Variants in DENND1A observed in about 807,000 individuals in gnomAD.
The protein encoded by DENND1A is DENN domain containing 1A.
DENND1A carries 51 observed loss-of-function variants against 113.7 expected under a neutral mutation model. That is an observed-to-expected ratio of 0.45 (90% confidence interval 0.36 to 0.57). The LOEUF is 0.57. DENND1A is among the 20% of genes least tolerant of loss of function. DENND1A has a pLI of 0.00. For synonymous variants in DENND1A, 565 were observed against 570.8 expected (o/e 0.99, Z 0.14); for missense variants, 1,258 against 1,395.9 (o/e 0.90, Z 1.57).
chr9:123,656,402 G>T (rs1379248132), intron 8 of DENND1A, among the ~76,000 whole-genome samples: 1 of 152,174 alleles, frequency 6.6e-6, no homozygotes, highest in Admixed American at 6.5e-5. Context: ...CTAACAGGCT[G>T]CTGCCATATT....
intron 18 of DENND1A, among the ~76,000 whole-genome samples, chr9:123,449,212 G>A (rs774881022): frequency 6.6e-6 from 1 of 152,166 alleles, no homozygotes; most frequent in African/African-American, 2.4e-5. Flanking sequence ...AAAGCTCCTA[G>A]TCTGGCCCAC....
chr9:123,637,346 G>A (rs916029951), intron 9 of DENND1A, among the ~76,000 whole-genome samples: 1 of 152,206 alleles, frequency 6.6e-6, no homozygotes, highest in African/African-American at 2.4e-5. Flanking sequence ...TGTGTCTTGG[G>A]AAGTTGTTCC....
At chr9:123,820,738 A>G (rs1838327837) in intron 2 of DENND1A, among the ~76,000 whole-genome samples, 1 of 152,204 alleles carries the variant, frequency 6.6e-6, no homozygotes, top group Admixed American at 6.5e-5. Context: ...CATCTTTTGT[A>G]GGATTAAAGT....
chr9:123,469,397 C>T (rs559945745), intron 13 of DENND1A, among the ~76,000 whole-genome samples: 6 of 152,340 alleles, frequency 3.9e-5, no homozygotes, highest in South Asian at 2.1e-4. Flanking sequence ...TCTGGCCGGC[C>T]GCTCTGGTAT....
At chr9:123,447,802 AAC>A (rs2047415871) in intron 18 of DENND1A, among the ~76,000 whole-genome samples, 4 of 151,878 alleles carry the variant, frequency 2.6e-5, no homozygotes, top group Admixed American at 1.3e-4. Flanking sequence ...AAAAAAAAAA[AAC>A]CAAGGAAATA....
chr9:123,809,191 G>A (rs561426169), intron 2 of DENND1A, among the ~76,000 whole-genome samples: 11 of 152,254 alleles, frequency 7.2e-5, no homozygotes, highest in African/African-American at 2.4e-4. Context: ...ATGTTCCTCC[G>A]AGTACTTATT....
chr9:123,464,496 G>A (rs2048777669), intron 13 of DENND1A, among the ~76,000 whole-genome samples: 1 of 152,164 alleles, frequency 6.6e-6, no homozygotes, highest in African/African-American at 2.4e-5. Flanking sequence ...ATAGATCAAC[G>A]CTGCATGGTT....
intron 13 of DENND1A, among the ~76,000 whole-genome samples, chr9:123,506,854 T>C (rs1470819336): frequency 6.6e-6 from 1 of 152,064 alleles, no homozygotes. Context: ...ATATTCAAGC[T>C]TCAGAACCCA....
chr9:123,408,796 T>C (rs768023995), intron 20 of DENND1A, among the ~76,000 whole-genome samples: 2 of 152,176 alleles, frequency 1.3e-5, no homozygotes, highest in African/African-American at 4.8e-5. Flanking sequence ...CACCCCGCAA[T>C]CTGCACAGAT....
At chr9:123,905,266 A>C (rs1277900084) in intron 1 of DENND1A, among the ~76,000 whole-genome samples, 1 of 152,158 alleles carries the variant, frequency 6.6e-6, no homozygotes, top group African/African-American at 2.4e-5. Flanking sequence ...CAAAATGTAA[A>C]GACCATCGAG....
chr9:123,724,003 C>T (rs1220467989), intron 5 of DENND1A, among the ~76,000 whole-genome samples: 1 of 152,128 alleles, frequency 6.6e-6, no homozygotes, highest in Non-Finnish European at 1.5e-5. Context: ...TACCTAACAC[C>T]CACCATATTC....
chr9:123,622,352 G>A (rs538894855), intron 10 of DENND1A, among the ~76,000 whole-genome samples: 4 of 152,194 alleles, frequency 2.6e-5, no homozygotes, highest in Non-Finnish European at 5.9e-5. Context: ...TACTTCTGAA[G>A]GAGGAAGGGG....
At position 123,401,921 on chromosome 9, in the gene DENND1A, T is replaced by C. The variant is rs200740254; in HGVS notation, c.1631+1481A>G. Reference sequence around the variant, plus strand: ...GTGTTGCAATGGTGTTTCTGTGTAATGCAAGAATATTCTGGGTTTACATCT... The same window carrying C: ...GTGTTGCAATGGTGTTTCTGTGTAACGCAAGAATATTCTGGGTTTACATCT... On this transcript the variant is annotated intron_variant, in intron 21 of 23. Coordinates refer to ENST00000394215, the MANE Select transcript of DENND1A (RefSeq NM_001352964.2). The C allele has an allele frequency of 2.0e-5, 32 of 1,614,208 alleles. No homozygotes were observed. The African/African-American group carries it at 2.3e-4, about 11-fold the overall frequency.
intron 12 of DENND1A, among the ~76,000 whole-genome samples, chr9:123,560,375 A>G (rs1361001171): frequency 6.6e-6 from 1 of 152,168 alleles, no homozygotes; most frequent in African/African-American, 2.4e-5. Context: ...TTGGACACTA[A>G]ACTGAGTGAA....
intron 2 of DENND1A, among the ~76,000 whole-genome samples, chr9:123,858,058 C>CAAAAA (rs1230079039): frequency 1.2e-4 from 6 of 50,866 alleles, no homozygotes; most frequent in East Asian, 5.5e-4. Context: ...GACTCCGTCT[C>CAAAAA]AAAAAAAAAA....
At chr9:123,583,561 CCAT>C (rs2059023783) in intron 11 of DENND1A, among the ~76,000 whole-genome samples, 1 of 152,174 alleles carries the variant, frequency 6.6e-6, no homozygotes, top group Non-Finnish European at 1.5e-5. Flanking sequence ...TCATTACACC[CCAT>C]CATCATTTTT....
chr9:123,470,737 G>A (rs1436640427), intron 13 of DENND1A, among the ~76,000 whole-genome samples: 1 of 152,226 alleles, frequency 6.6e-6, no homozygotes, highest in Non-Finnish European at 1.5e-5. Context: ...CCCTGAAGGT[G>A]TGCTGCCCAC....
chr9:123,821,295 T>G, intron 2 of DENND1A, among the ~76,000 whole-genome samples: 1 of 152,186 alleles, frequency 6.6e-6, no homozygotes, highest in East Asian at 1.9e-4. Context: ...AATATCTGAG[T>G]GTTGGAAAAT....
At chr9:123,433,359 T>C (rs750157947) in intron 19 of DENND1A, among the ~76,000 whole-genome samples, 3 of 152,212 alleles carry the variant, frequency 2.0e-5, no homozygotes, top group Non-Finnish European at 2.9e-5. Flanking sequence ...TTTCAGCAGG[T>C]ACATCTTGGG....
Sources: gnomAD v4.1 joint callset for allele counts (sites outside exome capture counted in the v4.1 genomes callset) on GRCh38, gnomAD v4.1.1 for gene constraint, MANE v1.5 for transcripts, NCBI Gene and HGNC (gene_info 2026-07-23, HGNC 2026-07-21) for gene names.